Variants in ERCC5 observed in about 807,000 individuals in gnomAD.
ERCC5 encodes DNA excision repair protein ERCC-5.
ERCC5 carries 68 observed loss-of-function variants against 105.6 expected under a neutral mutation model. That is an observed-to-expected ratio of 0.64 (90% CI 0.53 to 0.79). The LOEUF (loss-of-function observed/expected upper bound fraction) is 0.79, where lower values mean the gene tolerates loss of function less well. Among genes scored for constraint, ERCC5 ranks in the 30% least tolerant of loss-of-function variants. The pLI, the probability that ERCC5 is intolerant of heterozygous loss-of-function variation, is 0.00. For missense variants in ERCC5, 1,373 were observed against 1,426.7 expected, an observed-to-expected ratio of 0.96 and a Z score of 0.61; for synonymous variants, 546 against 526.2, an observed-to-expected ratio of 1.04 and a Z score of -0.51.
intron 8 of ERCC5, among the ~76,000 whole-genome samples, chr13:102,863,787 A>G (rs1156739196): frequency 6.6e-6 from 1 of 152,120 alleles, no homozygotes; most frequent in Non-Finnish European, 1.5e-5. Context: ...TGGGGACAGT[A>G]GGGGATTATG....
At chr13:102,870,617 A>T (rs4150351) in intron 12 of ERCC5, among the ~76,000 whole-genome samples, 1 of 152,168 alleles carries the variant, frequency 6.6e-6, no homozygotes, top group Non-Finnish European at 1.5e-5. Flanking sequence ...AGTAAAGTAG[A>T]GGAGAATTAT....
chr13:102,868,042 A>G (rs907808809), intron 11 of ERCC5, 71 bp from the exon 12 acceptor site: 2 of 1,450,210 alleles, frequency 1.4e-6, no homozygotes, highest in Admixed American at 1.8e-5. Context: ...TACATGATTT[A>G]TATAATAAAA....
Position 102,862,481 on chromosome 13 carries a change from A to G in ERCC5, c.1332A>G (p.Ala444=), listed in dbSNP as rs1440473074. 5 of 1,614,050 alleles carry G rather than the reference A, an allele frequency of 3.1e-6. No homozygotes were observed. The highest frequency in any genetic ancestry group is 4.2e-6 in the Non-Finnish European group (5 of 1,180,046). ...ATGGAAAAGGAATACCGTTTACTGC[A>G]ACACTTGCGTCATCTAGTGTGAACT... ...VRDGKGIPFT[A]TLASSSVNSA... The change falls in exon 8 of 15, where the codon GCA becomes GCG. Residue 444 remains alanine (A), a synonymous_variant. Coordinates refer to ENST00000652225, the MANE Select transcript of ERCC5 (RefSeq NM_000123.4).
At position 102,858,359 on chromosome 13, in the gene ERCC5, T is replaced by C. The variant is rs776979675; in HGVS notation, c.613T>C (p.Leu205=). The change falls in exon 6 of 15, where the codon TTG becomes CTG. Residue 205 remains leucine (L), a synonymous_variant. Transcript: ENST00000652225. ...SLPPEVKHEI[L]TDMKEFTKRR... ...GCCCCCTGAAGTAAAGCATGAAATCTTGACTGATATGAAAGAGTTCACCAA... is the reference window on the plus strand; with the variant it reads ...GCCCCCTGAAGTAAAGCATGAAATCCTGACTGATATGAAAGAGTTCACCAA... 7 of 1,614,058 alleles carry C rather than the reference T, an allele frequency of 4.3e-6. No homozygotes were observed.
At position 102,875,594 on chromosome 13, in the gene ERCC5, C is replaced by T. The variant is rs372662617; in HGVS notation, c.3252C>T (p.Cys1084=). ...RLSDSKGKNT[C]GGFLGETCLS... Reference sequence around the variant, plus strand: ...CAGATTCTAAAGGAAAGAATACATGCGGTGGATTTTTGGGGGAGACCTGCC... The same window carrying T: ...CAGATTCTAAAGGAAAGAATACATGTGGTGGATTTTTGGGGGAGACCTGCC... The change falls in exon 15 of 15, where the codon TGC becomes TGT. Residue 1084 remains cysteine (C), a synonymous_variant. Coordinates refer to ENST00000652225, the MANE Select transcript of ERCC5 (RefSeq NM_000123.4). 80 of 1,613,352 alleles carry T rather than the reference C, an allele frequency of 5.0e-5. No homozygotes were observed. Among genetic ancestry groups the T allele is most frequent in the East Asian group, 8.9e-5 (4 of 44,888 alleles).
At position 102,868,202 on chromosome 13, in the gene ERCC5, A is replaced by G. The variant is rs768751350; in HGVS notation, c.2623A>G (p.Met875Val). ...ACCAACTGTGGGTTGTGTAACCGCC[A>G]TGGAAATTCTCAATGAATTCCCTGG... The part of the protein sequence containing the change: ...GIPTVGCVTA[M>V]EILNEFPGHG... The change falls in exon 12 of 15, where the codon ATG (methionine) becomes GTG (valine). Residue 875 changes from methionine to valine, a missense_variant. This residue lies in a region of ERCC5 where 1,004 missense variants were observed against 1,059.7 expected (regional missense o/e 0.95). Coordinates refer to ENST00000652225, the MANE Select transcript of ERCC5 (RefSeq NM_000123.4). 12 of 1,614,220 alleles carry G rather than the reference A, an allele frequency of 7.4e-6. No homozygotes were observed. The highest frequency in any genetic ancestry group is 2.5e-6 in the Non-Finnish European group (3 of 1,180,030).
intron 14 of ERCC5, 32 bp from the exon 15 acceptor site, chr13:102,875,275 T>C: frequency 6.3e-7 from 1 of 1,599,344 alleles, no homozygotes; most frequent in East Asian, 2.3e-5. Flanking sequence ...CTTGTCTGAT[T>C]TATTATTATT....
At chr13:102,846,850 GTCT>G (rs1428444227) in intron 1 of ERCC5, among the ~76,000 whole-genome samples, 1 of 152,212 alleles carries the variant, frequency 6.6e-6, no homozygotes, top group Non-Finnish European at 1.5e-5. Flanking sequence ...CAGCTTTGCA[GTCT>G]TAGCGGCCTG....
chr13:102,867,421 G>A (rs3932537), intron 11 of ERCC5, among the ~76,000 whole-genome samples: 152,038 of 152,346 alleles, frequency 1, 75,867 homozygotes, highest in Middle Eastern at 1. Context: ...GGCTTTACTC[G>A]TGTAACTTCA....
At position 102,854,328 on chromosome 13, in the gene ERCC5, A is replaced by G. The variant is rs1279673720; in HGVS notation, c.421A>G (p.Asn141Asp). The G allele has an allele frequency of 1.2e-6, 2 of 1,614,228 alleles. No homozygotes were observed. The highest frequency in any genetic ancestry group is 1.7e-6 in the Non-Finnish European group (2 of 1,180,046). Residue 141 changes from asparagine (N) to aspartate (D), a missense_variant, in exon 4 of 15, where the codon AAC becomes GAC. Physicochemically the swap from Asn to Asp is conservative, Grantham distance 23 (BLOSUM62 1). Coordinates refer to ENST00000652225, the MANE Select transcript of ERCC5 (RefSeq NM_000123.4). The stretch of plus-strand genomic sequence containing the variant: ...CAGTCTTACCCAAGTTCGAAGAGAA[A>G]ACGACCTCTATGTTTTGCCTCCTTT... ...LPSLTQVRRENDLYVLPPLQE... is the reference protein window; with the variant it reads ...LPSLTQVRREDDLYVLPPLQE...
Position 102,858,371 on chromosome 13 carries a change from A to G in ERCC5, c.625A>G (p.Lys209Glu). Residue 209 changes from lysine to glutamate, a missense_variant, in exon 6 of 15, where the codon AAA (lysine) becomes GAA (glutamate). By Grantham distance (56) the Lys-to-Glu change is moderately conservative. Coordinates refer to ENST00000652225, the MANE Select transcript of ERCC5 (RefSeq NM_000123.4). ...AAAGCATGAAATCTTGACTGATATGAAAGAGTTCACCAAGCGCAGAAGAAC... is the reference window on the plus strand; with the variant it reads ...AAAGCATGAAATCTTGACTGATATGGAAGAGTTCACCAAGCGCAGAAGAAC... ...EVKHEILTDM[K>E]EFTKRRRTLF... 7.4e-6 allele frequency: 12 copies of G among 1,614,158 alleles called. No individual in the cohort carries two copies. Among genetic ancestry groups the G allele is most frequent in the Non-Finnish European group, 1.0e-5 (12 of 1,180,012 alleles).
chr13:102,875,736 T>C lies in ERCC5; in HGVS notation c.3394T>C (p.Ser1132Pro), dbSNP rs1883197133. 1 of 1,613,984 alleles carries C rather than the reference T, an allele frequency of 6.2e-7. No individual in the cohort carries two copies. The highest frequency in any genetic ancestry group is 8.5e-7 in the Non-Finnish European group (1 of 1,180,032). Reference protein sequence around the residue: ...PKTSASDSQNSVKEAPVKNGG... With the variant: ...PKTSASDSQNPVKEAPVKNGG... ...AACCAGTGCTTCAGATTCGCAGAAC[T>C]CAGTGAAGGAAGCTCCCGTGAAGAA... The change falls in exon 15 of 15, where the codon TCA becomes CCA. Residue 1132 changes from serine to proline, a missense_variant. Ser to Pro is a moderately conservative substitution (Grantham distance 74). Coordinates refer to ENST00000652225, the MANE Select transcript of ERCC5 (RefSeq NM_000123.4).
At chr13:102,850,726 T>G (rs1391975045) in intron 1 of ERCC5, among the ~76,000 whole-genome samples, 3 of 152,076 alleles carry the variant, frequency 2.0e-5, no homozygotes, top group African/African-American at 7.2e-5. Context: ...ATGTTAAGTT[T>G]GAAATGTCTA....
intron 5 of ERCC5, among the ~76,000 whole-genome samples, chr13:102,858,060 T>A (rs1461779423): frequency 6.6e-6 from 1 of 152,174 alleles, no homozygotes; most frequent in Non-Finnish European, 1.5e-5. Context: ...GCTAAGTATT[T>A]TTTTCTTTTG....
In ERCC5 at chr13:102,854,665, T is replaced by G. The variant is rs574978698; in HGVS notation, c.467+291T>G. Among the ~76,000 whole-genome samples the G allele has an allele frequency of 5.9e-5, 9 of 152,384 alleles. No individual in the cohort carries two copies. The South Asian group carries it at 6.2e-4, about 11-fold the overall frequency. ...AATTTTAGTTTTGCTTACACTTTGC[T>G]TACACATGCTGTCTCTAGCTGCTTT... On this transcript the variant is annotated intron_variant, in intron 4 of 14. Coordinates refer to ENST00000652225, the MANE Select transcript of ERCC5 (RefSeq NM_000123.4).
At position 102,875,302 on chromosome 13, in the gene ERCC5, T is replaced by C. The variant is rs1266388389; in HGVS notation, c.2965-5T>C. ...ATTATTATTATTCTTTTGTTATTTT[T>C]TTAGACACAGCTCCGAATTGATTCC... On this transcript the variant is annotated splice_region_variant and splice_polypyrimidine_tract_variant and intron_variant, in intron 14 of 14. Transcript: ENST00000652225. 6.2e-7 allele frequency: 1 copy of C among 1,613,406 alleles called. No homozygotes were observed. Among genetic ancestry groups the C allele is most frequent in the Admixed American group, 1.7e-5 (1 of 59,984 alleles).
Position 102,869,222 on chromosome 13 carries a change from A to G in ERCC5, c.2678+965A>G, listed in dbSNP as rs575330027. Among the ~76,000 whole-genome samples the G allele has an allele frequency of 1.7e-4, 26 of 152,244 alleles. No homozygotes were observed. The South Asian group carries it at 2.5e-3, about 15-fold the overall frequency. On this transcript the variant is annotated intron_variant, in intron 12 of 14. Coordinates refer to ENST00000652225, the MANE Select transcript of ERCC5 (RefSeq NM_000123.4). ...TCTTCCAGTCATAGCACACTCACCA[A>G]TGTGTTGTATTTTATACTTTCTTCA... is the stretch of plus-strand genomic sequence containing the variant.
rs1329120612 is a variant in ERCC5, at chr13:102,866,372, G to T, written c.2310G>T (p.Leu770=). The stretch of plus-strand genomic sequence containing the variant: ...CTACTGTCACCGGACAGATGTTCCT[G>T]GAAAGCCAGGTGGGTGCAGGCAGCT... The part of the protein sequence containing the change: ...IAATVTGQMF[L]ESQELLRLFG... The change falls in exon 10 of 15, where the codon CTG becomes CTT. Residue 770 remains leucine, a synonymous_variant. Coordinates refer to ENST00000652225, the MANE Select transcript of ERCC5 (RefSeq NM_000123.4). 6.2e-7 allele frequency: 1 copy of T among 1,614,116 alleles called. No individual in the cohort carries two copies. Among genetic ancestry groups the T allele is most frequent in the Non-Finnish European group, 8.5e-7 (1 of 1,179,964 alleles).
rs774884182 is a variant in ERCC5 at position 102,852,211 on chromosome 13, G to A, written c.182G>A (p.Arg61Gln). 9.9e-6 allele frequency: 16 copies of A among 1,613,878 alleles called. No individual in the cohort carries two copies. The highest frequency in any genetic ancestry group is 1.3e-5 in the African/African-American group (1 of 74,894). ...CCTCATCTTCTCACTTTGTTTCATCGGCTCTGCAAACTCTTATTTTTTCGA... is the reference window on the plus strand; with the variant it reads ...CCTCATCTTCTCACTTTGTTTCATCAGCTCTGCAAACTCTTATTTTTTCGA... ...ENPHLLTLFH[R>Q]LCKLLFFRIR... Residue 61 changes from arginine to glutamine, a missense_variant, in exon 2 of 15, where the codon CGG becomes CAG. This residue lies in a region of ERCC5 where 1,004 missense variants were observed against 1,059.7 expected (regional missense o/e 0.95). Transcript: ENST00000652225.
Sources: allele counts gnomAD v4.1 joint callset (sites outside exome capture counted in the v4.1 genomes callset), GRCh38; gene constraint gnomAD v4.1.1; regional missense constraint gnomAD v4.1.1; transcripts MANE v1.5; gene names NCBI Gene and HGNC (gene_info 2026-07-23, HGNC 2026-07-21).